Variants in SDK1 observed in about 807,000 individuals in gnomAD.
The protein encoded by SDK1 is protein sidekick-1.
In SDK1, 157 loss-of-function variants were observed where a neutral mutation model predicts 245.5. The ratio of observed to expected loss-of-function variants is 0.64; its 90% CI spans 0.56 to 0.73. The LOEUF is 0.73. Among genes scored for constraint, SDK1 ranks in the 30% least tolerant of loss-of-function variants. The probability of loss-of-function intolerance (pLI) is 0.00; values close to 1 mark genes in which losing one functional copy is unlikely to be tolerated. For synonymous variants in SDK1, 1,647 were observed against 1,278.5 expected (o/e 1.29, Z -6.15); for missense variants, 3,583 against 3,002.3 (o/e 1.19, Z -4.52).
intron 1 of SDK1, among the ~76,000 whole-genome samples, chr7:3,385,008 G>C (rs1430969783): frequency 6.7e-6 from 1 of 150,108 alleles, no homozygotes; most frequent in Non-Finnish European, 1.5e-5. Context: ...TCTGGAGAAA[G>C]TAGATGTGCT....
chr7:3,437,826 G>A (rs1780074215), intron 1 of SDK1, among the ~76,000 whole-genome samples: 1 of 152,172 alleles, frequency 6.6e-6, no homozygotes, highest in Admixed American at 6.5e-5. Context: ...CTTAGTGGAA[G>A]CTTTGGCTGA....
At chr7:3,795,943 G>T (rs752231719) in intron 4 of SDK1, among the ~76,000 whole-genome samples, 1 of 152,168 alleles carries the variant, frequency 6.6e-6, no homozygotes, top group African/African-American at 2.4e-5. Context: ...TTCATGATCA[G>T]ATGCACACAC....
At chr7:4,131,901 G>A (rs1481673761) in intron 27 of SDK1, among the ~76,000 whole-genome samples, 3 of 152,106 alleles carry the variant, frequency 2.0e-5, no homozygotes, top group East Asian at 1.9e-4. Flanking sequence ...ACTTCAGGCC[G>A]CCTCATCTAC....
rs770396523 is a variant in SDK1 at position 4,178,538 on chromosome 7, G to A, written c.5050G>A (p.Gly1684Ser). The A allele has an allele frequency of 6.2e-6, 10 of 1,613,642 alleles. No homozygotes were observed. The Admixed American group carries it at 6.7e-5, about 11-fold the overall frequency. ...EVIMTAYNIIGESPASAPVEV... is the reference protein window; with the variant it reads ...EVIMTAYNIISESPASAPVEV... ...AATAATGACCGCCTATAACATCATC[G>A]GCGAGAGCCCAGCCAGCGCGCCCGT... Residue 1684 changes from glycine (G) to serine (S), a missense_variant, in exon 35 of 45, where the codon GGC becomes AGC. Physicochemically the swap from Gly to Ser is moderately conservative, Grantham distance 56. Coordinates refer to ENST00000404826, the MANE Select transcript of SDK1 (RefSeq NM_152744.4).
chr7:3,311,116 A>G (rs553981064), intron 1 of SDK1, among the ~76,000 whole-genome samples: 2 of 152,282 alleles, frequency 1.3e-5, no homozygotes, highest in Admixed American at 6.5e-5. Context: ...CAGTTGACAT[A>G]ACTGGAGAGG....
chr7:4,079,725 T>C, intron 22 of SDK1, 141 bp downstream of exon 22: 1 of 1,177,536 alleles, frequency 8.5e-7, no homozygotes, highest in Non-Finnish European at 1.2e-6. Flanking sequence ...GGGCTGGAGA[T>C]AGCCCAGATA....
In SDK1 at chr7:3,831,838, G is replaced by C. The variant is rs943621447; in HGVS notation, c.847+10255G>C. The stretch of plus-strand genomic sequence containing the variant: ...GAGGCAGGAGCATTGCTCGAGCCCA[G>C]GAGTTCAAGACCAGTCTGGGCAACA... On this transcript the variant is annotated intron_variant, in intron 5 of 44. Transcript: ENST00000404826. 2.0e-5 allele frequency among the ~76,000 whole-genome samples: 3 copies of C among 152,168 alleles called. No homozygotes were observed. In the East Asian group the frequency reaches 5.8e-4, roughly 30 times the overall value.
intron 22 of SDK1, among the ~76,000 whole-genome samples, chr7:4,103,168 T>C (rs1041001782): frequency 6.6e-6 from 1 of 150,532 alleles, no homozygotes; most frequent in Admixed American, 6.6e-5. Flanking sequence ...GTCCAGAGAA[T>C]TTTTTGTATT....
chr7:3,318,459 C>T (rs1021627102), intron 1 of SDK1, among the ~76,000 whole-genome samples: 3 of 152,310 alleles, frequency 2.0e-5, no homozygotes, highest in East Asian at 3.9e-4. Context: ...GTATTTAGCA[C>T]AGTGTCTTGC....
At chr7:3,638,798 A>T (rs180898596) in intron 2 of SDK1, among the ~76,000 whole-genome samples, 72 of 144,256 alleles carry the variant, frequency 5.0e-4, no homozygotes, top group Admixed American at 8.3e-4. Context: ...AATAAAATTT[A>T]AAAAAAAAAA....
At chr7:4,178,718 G>A in intron 35 of SDK1, 132 bp downstream of exon 35, 1 of 653,680 alleles carries the variant, frequency 1.5e-6, no homozygotes, top group Non-Finnish European at 2.7e-6. Flanking sequence ...TGTCGGGGCT[G>A]AGGTCTCCAC....
intron 2 of SDK1, among the ~76,000 whole-genome samples, chr7:3,621,461 G>T (rs1171895137): frequency 6.6e-6 from 1 of 152,218 alleles, no homozygotes; most frequent in Non-Finnish European, 1.5e-5. Flanking sequence ...GAGTTTCAAA[G>T]AACCCAGATT....
intron 5 of SDK1, among the ~76,000 whole-genome samples, chr7:3,949,981 C>T (rs908991984): frequency 6.6e-6 from 1 of 152,148 alleles, no homozygotes; most frequent in African/African-American, 2.4e-5. Context: ...GTGGCTGATA[C>T]ATGAAATATT....
At chr7:3,425,773 T>C (rs528546521) in intron 1 of SDK1, among the ~76,000 whole-genome samples, 5 of 152,352 alleles carry the variant, frequency 3.3e-5, no homozygotes, top group African/African-American at 1.2e-4. Flanking sequence ...CAGCCTTTTA[T>C]TGAAAGTCCT....
At chr7:4,075,657 T>C (rs1294903425) in intron 20 of SDK1, among the ~76,000 whole-genome samples, 1 of 120,400 alleles carries the variant, frequency 8.3e-6, no homozygotes, top group Non-Finnish European at 1.7e-5. Flanking sequence ...TTATTTCTCC[T>C]TTTTTTTTTT....
intron 20 of SDK1, among the ~76,000 whole-genome samples, chr7:4,071,360 C>G (rs1231396090): frequency 1.3e-5 from 2 of 152,220 alleles, no homozygotes; most frequent in Admixed American, 1.3e-4. Context: ...ATTAATGAAT[C>G]TGGCTCTGCC....
chr7:3,969,511 C>T (rs1782323350), intron 11 of SDK1, 87 bp downstream of exon 11: 1 of 962,102 alleles, frequency 1.0e-6, no homozygotes, highest in Non-Finnish European at 1.4e-6. Flanking sequence ...TCAGCATGCC[C>T]TTGGGCTTGC....
rs569819048 is a variant in SDK1 at position 4,122,975 on chromosome 7, C to T, written c.3824-4406C>T. Among the ~76,000 whole-genome samples the T allele has an allele frequency of 5.9e-5, 9 of 152,340 alleles. No homozygotes were observed. The South Asian group carries it at 1.5e-3, about 25-fold the overall frequency. On this transcript the variant is annotated intron_variant, in intron 25 of 44. Coordinates refer to ENST00000404826, the MANE Select transcript of SDK1 (RefSeq NM_152744.4). ...TAGCTGCCTCACCTCCCTATCTCCA[C>T]GTGAGAAGTTCAGCTGCGTTCAAAG...
rs115285747 is a variant in SDK1, at chr7:3,706,719, T to C, written c.713+64614T>C. ...GCTCGGCCAGCAACTTTTTTTTAAA[T>C]TACTCATTCAGTCTCACTGCTTGTT... On this transcript the variant is annotated intron_variant, in intron 4 of 44. Coordinates refer to ENST00000404826, the MANE Select transcript of SDK1 (RefSeq NM_152744.4). Among the ~76,000 whole-genome samples the C allele has an allele frequency of 6.9e-3, 1,054 of 152,254 alleles. 11 individuals carry two copies. The highest frequency in any genetic ancestry group is 0.024 in the African/African-American group (999 of 41,560).
Sources: gnomAD v4.1 joint callset for allele counts (sites outside exome capture counted in the v4.1 genomes callset) on GRCh38, gnomAD v4.1.1 for gene constraint, MANE v1.5 for transcripts, NCBI Gene and HGNC (gene_info 2026-07-23, HGNC 2026-07-21) for gene names.